The following PCDH11X variants were observed in gnomAD, a reference collection of about 807,000 sequenced individuals.
PCDH11X encodes protocadherin 11 X-linked, also known as protocadherin-11 X-linked.
PCDH11X carries 18 observed loss-of-function variants against 53.3 expected under a neutral mutation model. That is an observed-to-expected ratio of 0.34 (90% CI 0.23 to 0.50). The LOEUF (loss-of-function observed/expected upper bound fraction) is 0.50. Among genes scored for constraint, PCDH11X ranks in the 20% least tolerant of loss-of-function variants. PCDH11X has a pLI of 0.98. For missense variants in PCDH11X, 570 were observed against 1,032.4 expected (o/e 0.55, Z 6.14); for synonymous variants, 279 against 393.3 (o/e 0.71, Z 3.44).
intron 7 of PCDH11X, among the ~76,000 whole-genome samples, chrX:92,232,756 G>A (rs1273226848): frequency 4.5e-5 from 5 of 111,569 alleles, no homozygotes; most frequent in African/African-American, 6.5e-5. Context: ...TCGTTTTGTC[G>A]CCCAGGCTGG....
At chrX:92,426,599 A>C (rs1291066594) in intron 9 of PCDH11X, among the ~76,000 whole-genome samples, 2 of 108,139 alleles carry the variant, frequency 1.8e-5, no homozygotes, top group Non-Finnish European at 3.8e-5. Context: ...ACAATATAAT[A>C]ACTAATATCA....
chrX:92,199,417 A>G (rs983902894), intron 6 of PCDH11X, among the ~76,000 whole-genome samples: 83 of 112,124 alleles, frequency 7.4e-4, no homozygotes, highest in Non-Finnish European at 1.7e-4. Context: ...AATTCCATAA[A>G]AGGAAAGATC....
At chrX:91,885,326 C>A (rs1374196349) in intron 6 of PCDH11X, among the ~76,000 whole-genome samples, 1 of 111,705 alleles carries the variant, frequency 9.0e-6, no homozygotes, top group Non-Finnish European at 1.9e-5. Flanking sequence ...TAGTTCAAAT[C>A]ATTCCAAGGA....
chrX:92,071,911 T>C (rs1231857167), intron 6 of PCDH11X, among the ~76,000 whole-genome samples: 1 of 111,851 alleles, frequency 8.9e-6, no homozygotes. Flanking sequence ...CATGGCCTTC[T>C]CTTCAGGGTG....
intron 10 of PCDH11X, among the ~76,000 whole-genome samples, chrX:92,591,704 G>A (rs1925053414): frequency 1.8e-5 from 2 of 111,545 alleles, no homozygotes; most frequent in African/African-American, 6.5e-5. Context: ...TTTATGTCAG[G>A]TAGCCAGTCT....
At chrX:92,196,300 C>T in intron 6 of PCDH11X, among the ~76,000 whole-genome samples, 1 of 111,899 alleles carries the variant, frequency 8.9e-6, no homozygotes, top group Non-Finnish European at 1.9e-5. Flanking sequence ...GTCAGTTTGA[C>T]TTAAAATCTA....
chrX:92,148,173 C>T (rs6615329), intron 6 of PCDH11X, among the ~76,000 whole-genome samples: 1,287 of 8,200 alleles, frequency 0.16, 215 homozygotes, highest in African/African-American at 0.21. Context: ...TCCTTCCTTC[C>T]TTCTTTCTTT....
chrX:91,906,919 C>A (rs1253856415), intron 6 of PCDH11X, among the ~76,000 whole-genome samples: 5 of 110,536 alleles, frequency 4.5e-5, no homozygotes, highest in Non-Finnish European at 9.5e-5. Flanking sequence ...CACTTTGGAA[C>A]AAATTTTTAT....
intron 5 of PCDH11X, among the ~76,000 whole-genome samples, chrX:91,846,076 AT>A (rs1225631036): frequency 9.0e-6 from 1 of 111,671 alleles, no homozygotes; most frequent in Non-Finnish European, 1.9e-5. Context: ...CAAAAAAAAA[AT>A]GATTTCTTTC....
At chrX:92,151,889 G>A (rs1256439324) in intron 6 of PCDH11X, among the ~76,000 whole-genome samples, 4 of 106,147 alleles carry the variant, frequency 3.8e-5, no homozygotes, top group African/African-American at 1.4e-4. Flanking sequence ...TTTAAACATT[G>A]TAGATCTAAA....
intron 6 of PCDH11X, among the ~76,000 whole-genome samples, chrX:92,006,355 ATTCT>A (rs1421112125): frequency 9.5e-6 from 1 of 105,801 alleles, no homozygotes; most frequent in East Asian, 3.0e-4. Context: ...AAGCTCAGTA[ATTCT>A]TTCTTCTGCT....
intron 7 of PCDH11X, among the ~76,000 whole-genome samples, chrX:92,244,546 A>G (rs1326208337): frequency 9.0e-6 from 1 of 111,292 alleles, no homozygotes; most frequent in African/African-American, 3.3e-5. Flanking sequence ...TGCATAATTA[A>G]AATAATGATC....
intron 8 of PCDH11X, among the ~76,000 whole-genome samples, chrX:92,294,779 T>C (rs1362921751): frequency 9.3e-6 from 1 of 107,943 alleles, no homozygotes. Flanking sequence ...CTCAGAGAAC[T>C]GCTGTTTGGA....
intron 6 of PCDH11X, among the ~76,000 whole-genome samples, chrX:92,068,873 T>G: frequency 9.0e-6 from 1 of 111,214 alleles, no homozygotes; most frequent in Non-Finnish European, 1.9e-5. Context: ...TTTTGAATGT[T>G]TTAAGACTAG....
intron 10 of PCDH11X, among the ~76,000 whole-genome samples, chrX:92,476,183 G>T (rs989269973): frequency 3.1e-5 from 3 of 96,027 alleles, no homozygotes; most frequent in Non-Finnish European, 7.1e-5. Context: ...GCTGCCATGT[G>T]AGATGTAACT....
intron 6 of PCDH11X, among the ~76,000 whole-genome samples, chrX:91,891,618 C>A (rs1351364123): frequency 9.5e-6 from 1 of 105,817 alleles, no homozygotes; most frequent in Non-Finnish European, 1.9e-5. Flanking sequence ...AATGTGGTAT[C>A]ATTTATGAAC....
chrX:92,395,561 C>T (rs1488014693), intron 9 of PCDH11X, among the ~76,000 whole-genome samples: 2 of 110,783 alleles, frequency 1.8e-5, no homozygotes, highest in Non-Finnish European at 3.8e-5. Flanking sequence ...ATACGAATCT[C>T]TAGTGCCCCT....
At chrX:92,284,914 C>T (rs2068329421) in intron 8 of PCDH11X, among the ~76,000 whole-genome samples, 1 of 111,043 alleles carries the variant, frequency 9.0e-6, no homozygotes, top group African/African-American at 3.3e-5. Context: ...ATAAGATACG[C>T]CAAATTGCTT....
At chrX:92,221,316 C>T (rs1281828064) in intron 7 of PCDH11X, among the ~76,000 whole-genome samples, 2 of 103,307 alleles carry the variant, frequency 1.9e-5, no homozygotes, top group Admixed American at 2.1e-4. Flanking sequence ...CACACACACA[C>T]ACACACACAC....
Sources: allele counts gnomAD v4.1 joint callset (sites outside exome capture counted in the v4.1 genomes callset), GRCh38; gene constraint gnomAD v4.1.1; transcripts MANE v1.5; gene names NCBI Gene and HGNC (gene_info 2026-07-23, HGNC 2026-07-21).